Variants in EIF4E observed in about 807,000 individuals in gnomAD.
EIF4E encodes eukaryotic translation initiation factor 4E.
For synonymous variants in EIF4E, 71 were observed against 88.5 expected, an observed-to-expected ratio of 0.80 and a Z score of 1.11; for missense variants, 113 against 265.6, an observed-to-expected ratio of 0.43 and a Z score of 3.99.
chr4:98,926,679 C>T (rs1354146429), intron 1 of EIF4E, among the ~76,000 whole-genome samples: 1 of 152,202 alleles, frequency 6.6e-6, no homozygotes, highest in Non-Finnish European at 1.5e-5. Flanking sequence ...AACATAACAT[C>T]CAAATCTCCC....
intron 1 of EIF4E, among the ~76,000 whole-genome samples, chr4:98,916,022 C>G (rs1725364814): frequency 6.6e-6 from 1 of 151,188 alleles, no homozygotes; most frequent in African/African-American, 2.4e-5. Flanking sequence ...GAAAACTCGT[C>G]TCTACTAAAA....
At chr4:98,923,950 CA>C in intron 1 of EIF4E, among the ~76,000 whole-genome samples, 1 of 152,312 alleles carries the variant, frequency 6.6e-6, no homozygotes, top group Admixed American at 6.5e-5. Context: ...TTAGAAATTT[CA>C]GTCTTCAAGA....
Position 98,929,087 on chromosome 4 carries a change from A to G in EIF4E, c.18+8T>C. The G allele has an allele frequency of 6.3e-7, 1 of 1,583,916 alleles. No individual in the cohort carries two copies. Among genetic ancestry groups the G allele is most frequent in the Non-Finnish European group, 8.6e-7 (1 of 1,164,866 alleles). On this transcript the variant is annotated splice_region_variant and intron_variant, in intron 1 of 6. Coordinates refer to ENST00000450253, the MANE Select transcript of EIF4E (RefSeq NM_001968.5). ...CCCGTGGGGGTGGGGGCCAAAGGCA[A>G]TACTCACCGGTTCGACAGTCGCCAT...
chr4:98,925,490 T>A (rs1725827964), intron 1 of EIF4E, among the ~76,000 whole-genome samples: 1 of 152,206 alleles, frequency 6.6e-6, no homozygotes, highest in Non-Finnish European at 1.5e-5. Flanking sequence ...GAGTACCGTT[T>A]GCCCTAACGT....
At chr4:98,911,314 CT>C (rs1348774447) in intron 1 of EIF4E, among the ~76,000 whole-genome samples, 1 of 147,860 alleles carries the variant, frequency 6.8e-6, no homozygotes, top group Admixed American at 6.7e-5. Context: ...TCCCAAAGTG[CT>C]GGGATTACAG....
At chr4:98,905,498 G>A (rs1240241640) in intron 1 of EIF4E, among the ~76,000 whole-genome samples, 1 of 152,170 alleles carries the variant, frequency 6.6e-6, no homozygotes, top group Non-Finnish European at 1.5e-5. Flanking sequence ...GAGGGTTCAT[G>A]AAACCAAAGA....
chr4:98,904,101 G>A (rs745797076), intron 1 of EIF4E, among the ~76,000 whole-genome samples: 3 of 151,002 alleles, frequency 2.0e-5, no homozygotes, highest in Admixed American at 1.3e-4. Flanking sequence ...CTTTCAGAGC[G>A]TAACTCTGGT....
intron 1 of EIF4E, among the ~76,000 whole-genome samples, chr4:98,927,654 C>CAAAAAA (rs774720176): frequency 7.4e-4 from 26 of 35,088 alleles, no homozygotes; most frequent in Non-Finnish European, 1.2e-3. Flanking sequence ...GACTCCATCT[C>CAAAAAA]AAAAAAAAAA....
At chr4:98,906,614 A>G in intron 1 of EIF4E, among the ~76,000 whole-genome samples, 1 of 152,240 alleles carries the variant, frequency 6.6e-6, no homozygotes, top group East Asian at 1.9e-4. Flanking sequence ...GGAGGCCAAA[A>G]TAGGAGCATC....
At chr4:98,898,311 A>G (rs971999070) in intron 2 of EIF4E, among the ~76,000 whole-genome samples, 5 of 152,196 alleles carry the variant, frequency 3.3e-5, no homozygotes, top group Non-Finnish European at 7.3e-5. Context: ...GTTGACTTCT[A>G]AGACGGCAAA....
At chr4:98,889,338 C>T (rs1192076211) in intron 3 of EIF4E, among the ~76,000 whole-genome samples, 5 of 152,058 alleles carry the variant, frequency 3.3e-5, no homozygotes, top group Non-Finnish European at 5.9e-5. Context: ...CAAAAAAAGA[C>T]GGGATACTAA....
intron 1 of EIF4E, among the ~76,000 whole-genome samples, chr4:98,914,849 C>A (rs937393141): frequency 7.2e-5 from 11 of 152,158 alleles, no homozygotes; most frequent in African/African-American, 2.7e-4. Context: ...GATGTTGACA[C>A]TGGGAAAGCT....
intron 1 of EIF4E, chr4:98,909,962 C>A: frequency 2.0e-6 from 1 of 502,092 alleles, no homozygotes; most frequent in Admixed American, 3.8e-5. Flanking sequence ...ACAGCACCCT[C>A]AAATATGTAA....
chr4:98,912,253 GA>G (rs1033820669), intron 1 of EIF4E, among the ~76,000 whole-genome samples: 34 of 128,706 alleles, frequency 2.6e-4, no homozygotes, highest in Admixed American at 3.2e-4. Flanking sequence ...ACTCCGTCTC[GA>G]AAAAAAAAAA....
Position 98,929,102 on chromosome 4 carries a change from A to G in EIF4E, c.11T>C (p.Val4Ala). The change falls in exon 1 of 7, where the codon GTC becomes GCC. Residue 4 changes from valine to alanine, a missense_variant. By Grantham distance (64) the Val-to-Ala change is moderately conservative. Transcript: ENST00000450253. ...GCCAAAGGCAATACTCACCGGTTCG[A>G]CAGTCGCCATCTTAGATCGATCTGA... MAT[V>A]EPETTPTPNP... 1 of 1,580,720 alleles carries G rather than the reference A, an allele frequency of 6.3e-7. No individual in the cohort carries two copies. The highest frequency in any genetic ancestry group is 8.6e-7 in the Non-Finnish European group (1 of 1,163,094).
At chr4:98,896,829 G>A in intron 2 of EIF4E, among the ~76,000 whole-genome samples, 1 of 152,006 alleles carries the variant, frequency 6.6e-6, no homozygotes, top group Non-Finnish European at 1.5e-5. Flanking sequence ...TACTAAAATG[G>A]TGGTGGTGCA....
At chr4:98,924,742 GCCAC>G (rs896448526) in intron 1 of EIF4E, among the ~76,000 whole-genome samples, 1 of 152,056 alleles carries the variant, frequency 6.6e-6, no homozygotes, top group Admixed American at 6.5e-5. Context: ...ACAGGCGCCT[GCCAC>G]CAGGCCTGGC....
chr4:98,914,499 T>C (rs1725292621), intron 1 of EIF4E, among the ~76,000 whole-genome samples: 4 of 145,298 alleles, frequency 2.8e-5, no homozygotes, highest in South Asian at 2.2e-4. Flanking sequence ...TATCAAGCCA[T>C]AAAAAGACGT....
At chr4:98,915,088 C>T (rs1437520398) in intron 1 of EIF4E, among the ~76,000 whole-genome samples, 3 of 152,128 alleles carry the variant, frequency 2.0e-5, no homozygotes, top group Non-Finnish European at 2.9e-5. Flanking sequence ...GGACTACAGG[C>T]ACATGCCACC....
Sources: gnomAD v4.1 joint callset for allele counts (sites outside exome capture counted in the v4.1 genomes callset) on GRCh38, gnomAD v4.1.1 for gene constraint, MANE v1.5 for transcripts, NCBI Gene and HGNC (gene_info 2026-07-23, HGNC 2026-07-21) for gene names.